The following TENM1 variants were observed in gnomAD, a reference collection of about 807,000 sequenced individuals.
TENM1 encodes the protein teneurin transmembrane protein 1, also known as teneurin-1.
TENM1 carries 35 observed loss-of-function variants against 174.8 expected under a neutral mutation model. The ratio of observed to expected loss-of-function variants is 0.20; its 90% CI spans 0.15 to 0.27. TENM1 has a LOEUF of 0.27. Among genes scored for constraint, TENM1 ranks in the 10% least tolerant of loss-of-function variants. TENM1 has a pLI of 1.00. For synonymous variants in TENM1, 781 were observed against 798.7 expected, an observed-to-expected ratio of 0.98 and a Z score of 0.37; for missense variants, 1,633 against 2,130.1, an observed-to-expected ratio of 0.77 and a Z score of 4.59.
At chrX:124,603,394 G>T (rs1343043729) in intron 11 of TENM1, among the ~76,000 whole-genome samples, 1 of 111,729 alleles carries the variant, frequency 9.0e-6, no homozygotes, top group Non-Finnish European at 1.9e-5. Flanking sequence ...CATTTATCGG[G>T]AATTTTAGAT....
At chrX:125,172,326 C>CG in the TENM1 span, among the ~76,000 whole-genome samples, 1 of 106,617 alleles carries the variant, frequency 9.4e-6, no homozygotes, top group African/African-American at 3.7e-5. Flanking sequence ...ACCTCACCCC[C>CG]CCCCATTTTA....
At chrX:124,803,666 A>T (rs1308419987) in intron 3 of TENM1, among the ~76,000 whole-genome samples, 2 of 112,494 alleles carry the variant, frequency 1.8e-5, no homozygotes, top group Non-Finnish European at 3.7e-5. Context: ...TGTAAGATTC[A>T]TGGGGGCAGA....
At chrX:124,713,417 T>C (rs1215950342) in intron 4 of TENM1, among the ~76,000 whole-genome samples, 1 of 111,192 alleles carries the variant, frequency 9.0e-6, no homozygotes, top group African/African-American at 3.3e-5. Context: ...TACAGGCATG[T>C]GGCACCATGC....
At chrX:124,424,566 A>G (rs2060689178) in intron 23 of TENM1, among the ~76,000 whole-genome samples, 1 of 111,126 alleles carries the variant, frequency 9.0e-6, no homozygotes, top group African/African-American at 3.3e-5. Flanking sequence ...GAGTGAGAAC[A>G]TGGGGTATTT....
rs144512044 is a variant in TENM1 at position 124,780,921 on chromosome X, C to T, written c.536-43724G>A. Among the ~76,000 whole-genome samples the T allele has an allele frequency of 3.6e-3, 407 of 111,562 alleles. 3 individuals are homozygous for T. Among genetic ancestry groups the T allele is most frequent in the African/African-American group, 0.013 (391 of 30,734 alleles). On this transcript the variant is annotated intron_variant, in intron 3 of 31. Coordinates refer to ENST00000422452, the Ensembl canonical transcript of TENM1. Reference sequence around the variant, plus strand: ...GGAAAGACCTTTCTTCTCTCTCTTTCATCTTTAGTTTGTGTGGTCACTTGT... The same window carrying T: ...GGAAAGACCTTTCTTCTCTCTCTTTTATCTTTAGTTTGTGTGGTCACTTGT...
the TENM1 span, among the ~76,000 whole-genome samples, chrX:125,167,983 A>T: frequency 9.0e-6 from 1 of 111,170 alleles, no homozygotes; most frequent in Non-Finnish European, 1.9e-5. Flanking sequence ...ATTCAGTCAA[A>T]CCTACTTATA....
chrX:125,052,959 G>A, the TENM1 span, among the ~76,000 whole-genome samples: 1 of 111,997 alleles, frequency 8.9e-6, no homozygotes, highest in African/African-American at 3.2e-5. Flanking sequence ...ATGCTTTGAT[G>A]TACATATTGT....
intron 15 of TENM1, among the ~76,000 whole-genome samples, chrX:124,535,343 G>C (rs1411453766): frequency 9.0e-6 from 1 of 111,323 alleles, no homozygotes; most frequent in Non-Finnish European, 1.9e-5. Context: ...TAAAAAGGCA[G>C]GCAAATCGAC....
chrX:124,444,508 G>A (rs765548824), intron 23 of TENM1, among the ~76,000 whole-genome samples: 1 of 112,188 alleles, frequency 8.9e-6, no homozygotes, highest in Non-Finnish European at 1.9e-5. Context: ...AGGTCACCAT[G>A]CAAGCTACCA....
At chrX:124,734,355 C>G (rs770875934) in intron 4 of TENM1, among the ~76,000 whole-genome samples, 1 of 110,891 alleles carries the variant, frequency 9.0e-6, no homozygotes, top group African/African-American at 3.3e-5. Context: ...GACGCTGAGG[C>G]AGGAGAATCG....
intron 11 of TENM1, among the ~76,000 whole-genome samples, chrX:124,632,422 G>A (rs559026348): frequency 9.0e-6 from 1 of 111,339 alleles, no homozygotes; most frequent in East Asian, 2.8e-4. Flanking sequence ...AAATTTGGTA[G>A]CTGGGGTACA....
chrX:124,949,598 A>T (rs1041457327), intron 1 of TENM1, among the ~76,000 whole-genome samples: 2 of 111,294 alleles, frequency 1.8e-5, no homozygotes, highest in Non-Finnish European at 3.8e-5. Context: ...CTAGGTAGAG[A>T]CTCTAATGGA....
chrX:124,801,064 T>C (rs2055435718), intron 3 of TENM1, among the ~76,000 whole-genome samples: 1 of 111,940 alleles, frequency 8.9e-6, no homozygotes, highest in African/African-American at 3.3e-5. Flanking sequence ...GAGAAGAATA[T>C]ATATTCTGTT....
At chrX:124,540,865 C>G (rs918666091) in intron 15 of TENM1, among the ~76,000 whole-genome samples, 4 of 111,666 alleles carry the variant, frequency 3.6e-5, no homozygotes, top group African/African-American at 1.3e-4. Context: ...TAGCAGCAGT[C>G]TTCCTGCTGA....
chrX:124,599,559 G>C (rs2049982789), intron 11 of TENM1, among the ~76,000 whole-genome samples: 1 of 111,355 alleles, frequency 9.0e-6, no homozygotes, highest in African/African-American at 3.3e-5. Flanking sequence ...AGGAGATCCA[G>C]CAAAAGAGAG....
At chrX:124,835,640 A>G (rs1453057002) in intron 3 of TENM1, among the ~76,000 whole-genome samples, 1 of 111,861 alleles carries the variant, frequency 8.9e-6, no homozygotes, top group African/African-American at 3.3e-5. Flanking sequence ...ATTGGGAGCA[A>G]TAGGACACAT....
intron 3 of TENM1, among the ~76,000 whole-genome samples, chrX:124,828,169 A>G (rs1202722771): frequency 8.9e-6 from 1 of 112,433 alleles, no homozygotes; most frequent in East Asian, 2.8e-4. Context: ...CAGTTTTTCA[A>G]CAATGTTTTC....
chrX:124,969,679 A>T, the TENM1 span, among the ~76,000 whole-genome samples: 52 of 111,925 alleles, frequency 4.6e-4, no homozygotes, highest in African/African-American at 1.6e-3. Flanking sequence ...TCTTGCCAAG[A>T]TCACACATGT....
intron 3 of TENM1, among the ~76,000 whole-genome samples, chrX:124,861,651 A>G (rs2056913747): frequency 8.9e-6 from 1 of 112,262 alleles, no homozygotes; most frequent in African/African-American, 3.2e-5. Flanking sequence ...ATATCTTCAT[A>G]AACTAAAATT....
Sources: gnomAD v4.1 joint callset for allele counts (sites outside exome capture counted in the v4.1 genomes callset) on GRCh38, gnomAD v4.1.1 for gene constraint, MANE v1.5 for transcripts, NCBI Gene and HGNC (gene_info 2026-07-23, HGNC 2026-07-21) for gene names.